RPS6KL1: variants seen among roughly 807,000 people sequenced by gnomAD.
RPS6KL1 encodes ribosomal protein S6 kinase like 1.
Under a neutral mutation model 57.0 loss-of-function variants are expected in RPS6KL1, and 41 were observed. The observed-to-expected ratio is 0.72, with a 90% confidence interval of 0.56 to 0.93. The LOEUF is 0.93. Ranked by LOEUF, RPS6KL1 falls within the 40% of genes least tolerant of loss-of-function variation. The pLI is 0.00. For synonymous variants in RPS6KL1, 287 were observed against 309.7 expected, an observed-to-expected ratio of 0.93 and a Z score of 0.77; for missense variants, 697 against 727.7, an observed-to-expected ratio of 0.96 and a Z score of 0.49.
chr14:74,915,031 T>TCTTTGAACTTCTTTGAA (rs1285323967), intron 5 of RPS6KL1, among the ~76,000 whole-genome samples: 1 of 152,214 alleles, frequency 6.6e-6, no homozygotes, highest in Non-Finnish European at 1.5e-5. Context: ...TCTTTGAACC[T>TCTTTGAACTTCTTTGAA]CAGTTTAATT....
At chr14:74,917,848 C>G (rs1415731570) in intron 5 of RPS6KL1, among the ~76,000 whole-genome samples, 1 of 152,176 alleles carries the variant, frequency 6.6e-6, no homozygotes, top group African/African-American at 2.4e-5. Context: ...CACGTCCCAG[C>G]CGCAGGAAGT....
intron 7 of RPS6KL1, 29 bp downstream of exon 7, chr14:74,911,219 A>T (rs377250009): frequency 1.2e-6 from 2 of 1,604,680 alleles, no homozygotes; most frequent in Non-Finnish European, 1.7e-6. Flanking sequence ...AGGCCTGGGG[A>T]GCTGACAGGG....
rs1473505424 is a variant in RPS6KL1 at position 74,907,445 on chromosome 14, A to G, written c.1529T>C (p.Leu510Pro). ...PEWLSRPAASLLTELLQFEPT... is the reference protein window; with the variant it reads ...PEWLSRPAASPLTELLQFEPT... ...CGGGCTACACCTCACCTCAGTCAGC[A>G]GAGAGGCCGCTGGGCGACTGAGCCA... is the stretch of plus-strand genomic sequence containing the variant. The change falls in exon 11 of 12, where the codon CTG becomes CCG. Residue 510 changes from leucine to proline, a missense_variant. By Grantham distance (98) the Leu-to-Pro change is moderately conservative. Coordinates refer to ENST00000557413, the MANE Select transcript of RPS6KL1 (RefSeq NM_031464.5). 6.3e-7 allele frequency: 1 copy of G among 1,580,048 alleles called. No homozygotes were observed. The highest frequency in any genetic ancestry group is 1.2e-5 in the South Asian group (1 of 86,248).
At chr14:74,919,147 C>A (rs1031005026) in intron 4 of RPS6KL1, among the ~76,000 whole-genome samples, 1 of 152,180 alleles carries the variant, frequency 6.6e-6, no homozygotes, top group African/African-American at 2.4e-5. Flanking sequence ...TGCACTCCAG[C>A]CTGGGTGACA....
Position 74,910,152 on chromosome 14 carries a change from G to A in RPS6KL1, c.665-4C>T. The A allele has an allele frequency of 6.6e-7, 1 of 1,520,194 alleles. No homozygotes were observed. The highest frequency in any genetic ancestry group is 8.8e-7 in the Non-Finnish European group (1 of 1,140,082). The allele number at this position is 1,520,194 out of a possible 1,614,324, so 94.2% of individuals were successfully genotyped here. A position where few individuals can be genotyped will look rare whatever the true frequency, so the allele number is the denominator to read the frequency against. On this transcript the variant is annotated splice_region_variant and splice_polypyrimidine_tract_variant and intron_variant, in intron 7 of 11. Transcript: ENST00000557413. ...AGGTGGGACCAGAGAGTGCCTCCTG[G>A]GCCATGCAGAGGGAGCGGTGAGCGT...
At position 74,906,737 on chromosome 14, in the gene RPS6KL1, CA is replaced by C; in HGVS notation, c.*276del. ...AAGGCAACCTTTAACATGGTGAGTC[CA>C]CATGCTCAACGGGTCTGTTGACTGA... On this transcript the variant is annotated 3_prime_UTR_variant, in exon 12 of 12. Coordinates refer to ENST00000557413, the MANE Select transcript of RPS6KL1 (RefSeq NM_031464.5). 1.6e-6 allele frequency: 1 copy of C among 612,394 alleles called. No individual in the cohort carries two copies. The allele number at this position is 612,394 out of a possible 1,614,324, so 37.9% of individuals were successfully genotyped here. A position where few individuals can be genotyped will look rare whatever the true frequency, so the allele number is the denominator to read the frequency against.
rs1884564195 is a variant in RPS6KL1 at position 74,905,153 on chromosome 14, T to C, written c.*1861A>G. 6.6e-6 allele frequency: 1 copy of C among 152,162 alleles called. No individual in the cohort carries two copies. Among genetic ancestry groups the C allele is most frequent in the Admixed American group, 6.5e-5 (1 of 15,282 alleles). The allele number at this position is 152,162 out of a possible 1,614,324, so 9.4% of individuals were successfully genotyped here. A position where few individuals can be genotyped will look rare whatever the true frequency, so the allele number is the denominator to read the frequency against. On this transcript the variant is annotated 3_prime_UTR_variant, in exon 12 of 12. Transcript: ENST00000557413. ...CGACTGTAAGAGCTGGGACCCACAG[T>C]ATTCTAAACTCAGGGCCCAACAAAG... is the stretch of plus-strand genomic sequence containing the variant.
intron 8 of RPS6KL1, 107 bp downstream of exon 8, chr14:74,909,436 C>G: frequency 1.6e-5 from 22 of 1,416,438 alleles, no homozygotes; most frequent in Non-Finnish European, 2.1e-5. Flanking sequence ...TGGCTGGGGC[C>G]AGGGAGGAGC....
chr14:74,909,710 A>C lies in RPS6KL1; in HGVS notation c.1103T>G (p.Leu368Arg), dbSNP rs1291061413. The change falls in exon 8 of 12, where the codon CTG (leucine) becomes CGG (arginine). Residue 368 changes from leucine (L) to arginine (R), a missense_variant. By Grantham distance (102) the Leu-to-Arg change is moderately radical (BLOSUM62 -2). Transcript: ENST00000557413. ...GCCCCGGCCGGCCCCATCTGCTGAC[A>C]GGCAGCTCTGATCCATGCCTCGGCC... ...GCGRGMDQSC[L>R]SADGAGRGCG... The C allele has an allele frequency of 6.2e-7, 1 of 1,608,804 alleles. No individual in the cohort carries two copies. The highest frequency in any genetic ancestry group is 8.5e-7 in the Non-Finnish European group (1 of 1,179,848).
At position 74,907,415 on chromosome 14, in the gene RPS6KL1, C is replaced by G; in HGVS notation, c.1539+20G>C. The G allele has an allele frequency of 1.9e-6, 3 of 1,557,096 alleles. No homozygotes were observed. The highest frequency in any genetic ancestry group is 2.4e-5 in the South Asian group (2 of 84,642). ...TCCTCAGGCTAGGCAGCTGCTTCCT[C>G]TGGCCGGGCTACACCTCACCTCAGT... On this transcript the variant is annotated intron_variant, in intron 11 of 11. Coordinates refer to ENST00000557413, the MANE Select transcript of RPS6KL1 (RefSeq NM_031464.5).
intron 9 of RPS6KL1, 79 bp downstream of exon 9, chr14:74,909,022 T>C: frequency 1.3e-6 from 2 of 1,578,188 alleles, no homozygotes; most frequent in East Asian, 4.5e-5. Flanking sequence ...CCACCCGCTC[T>C]GTCATTCTCA....
chr14:74,921,473 C>A lies in RPS6KL1; in HGVS notation c.69G>T (p.Arg23=). The A allele has an allele frequency of 6.2e-7, 1 of 1,614,118 alleles. No individual in the cohort carries two copies. Among genetic ancestry groups the A allele is most frequent in the Non-Finnish European group, 8.5e-7 (1 of 1,180,000 alleles). Residue 23 remains arginine (R), a synonymous_variant, in exon 3 of 12, where the codon CGG becomes CGT. Transcript: ENST00000557413. ...GLEPEPCSRA[R]SQAHVYLEQI... Reference sequence around the variant, plus strand: ...GCTCCAGGTACACGTGAGCTTGGGACCGTGCTCGTGAGCAAGGCTCAGGCT... The same window carrying A: ...GCTCCAGGTACACGTGAGCTTGGGAACGTGCTCGTGAGCAAGGCTCAGGCT...
intron 5 of RPS6KL1, among the ~76,000 whole-genome samples, chr14:74,917,716 T>C: frequency 6.6e-6 from 1 of 151,496 alleles, no homozygotes; most frequent in East Asian, 1.9e-4. Context: ...GCATGCGAGA[T>C]AGCATTGGGA....
chr14:74,921,776 T>TA, intron 2 of RPS6KL1: 57 of 1,178,206 alleles, frequency 4.8e-5, no homozygotes, highest in Non-Finnish European at 5.5e-5. Flanking sequence ...TGTTTTCTTT[T>TA]CTTTTTTTTT....
intron 5 of RPS6KL1, among the ~76,000 whole-genome samples, chr14:74,916,268 A>G (rs759058): frequency 0.62 from 93,662 of 151,900 alleles, 29,150 homozygotes; most frequent in East Asian, 0.77. Flanking sequence ...TCCTAATTTG[A>G]GGAAAGTGAT....
chr14:74,918,580 G>A lies in RPS6KL1; in HGVS notation c.416C>T (p.Pro139Leu), dbSNP rs996662722. 2 of 1,534,026 alleles carry A rather than the reference G, an allele frequency of 1.3e-6. No homozygotes were observed. The highest frequency in any genetic ancestry group is 1.4e-5 in the African/African-American group (1 of 73,020). The part of the protein sequence containing the change: ...SAGFSSLRLR[P>L]IRTLSSAVEQ... Reference sequence around the variant, plus strand: ...CACGGCAGAGCTCAGCGTGCGAATGGGCCGGAGCCTCAGGCTGCTGAAACC... The same window carrying A: ...CACGGCAGAGCTCAGCGTGCGAATGAGCCGGAGCCTCAGGCTGCTGAAACC... Residue 139 changes from proline to leucine, a missense_variant, in exon 5 of 12, where the codon CCC becomes CTC. Transcript: ENST00000557413.
At chr14:74,912,596 A>G (rs1267638115) in intron 5 of RPS6KL1, among the ~76,000 whole-genome samples, 1 of 152,168 alleles carries the variant, frequency 6.6e-6, no homozygotes, top group Non-Finnish European at 1.5e-5. Flanking sequence ...AGGTGACTCC[A>G]GGTCTCCCCA....
Position 74,907,462 on chromosome 14 carries a change from A to T in RPS6KL1, c.1512T>A (p.Ser504Arg). The T allele has an allele frequency of 6.3e-7, 1 of 1,587,068 alleles. No individual in the cohort carries two copies. The highest frequency in any genetic ancestry group is 2.3e-5 in the East Asian group (1 of 43,696). Reference protein sequence around the residue: ...HTQLQLPEWLSRPAASLLTEL... With the variant: ...HTQLQLPEWLRRPAASLLTEL... ...CAGTCAGCAGAGAGGCCGCTGGGCG[A>T]CTGAGCCACTCGGGCAGCTGGAGCT... Residue 504 changes from serine to arginine, a missense_variant, in exon 11 of 12, where the codon AGT becomes AGA. Physicochemically the swap from Ser to Arg is moderately radical, Grantham distance 110. Transcript: ENST00000557413.
intron 4 of RPS6KL1, among the ~76,000 whole-genome samples, 189 bp downstream of exon 4, chr14:74,919,656 C>T (rs1052713306): frequency 3.9e-5 from 6 of 152,160 alleles, no homozygotes; most frequent in Non-Finnish European, 7.4e-5. Flanking sequence ...AACCATGAGG[C>T]GTGGGAGAGA....
Sources: allele counts gnomAD v4.1 joint callset (sites outside exome capture counted in the v4.1 genomes callset), GRCh38; gene constraint gnomAD v4.1.1; transcripts MANE v1.5; gene names NCBI Gene and HGNC (gene_info 2026-07-23, HGNC 2026-07-21).